CHEK2: variants seen among roughly 807,000 people sequenced by gnomAD.
The protein encoded by CHEK2 is serine/threonine-protein kinase Chk2.
Under a neutral mutation model 69.1 loss-of-function variants are expected in CHEK2, and 71 were observed. That is an observed-to-expected ratio of 1.03 (90% CI 0.85 to 1.25). The LOEUF (loss-of-function observed/expected upper bound fraction) is 1.25, where lower values mean the gene tolerates loss of function less well. CHEK2 is among the 50% of genes most tolerant of loss of function. The probability of loss-of-function intolerance (pLI) is 0.00; values close to 1 mark genes in which losing one functional copy is unlikely to be tolerated. For synonymous variants in CHEK2, 189 were observed against 226.9 expected (o/e 0.83, Z 1.50); for missense variants, 664 against 649.6 (o/e 1.02, Z -0.24).
chr22:28,705,213 G>A (rs2053071160), intron 7 of CHEK2, among the ~76,000 whole-genome samples: 1 of 151,788 alleles, frequency 6.6e-6, no homozygotes, highest in Non-Finnish European at 1.5e-5. Context: ...CGAGTAGTTG[G>A]GATTATGAGT....
intron 1 of CHEK2, among the ~76,000 whole-genome samples, chr22:28,741,073 C>T (rs1425218178): frequency 6.7e-6 from 1 of 149,150 alleles, no homozygotes; most frequent in East Asian, 2.0e-4. Flanking sequence ...TCGCTTGAAC[C>T]CAGGAGGCAG....
At chr22:28,732,044 C>T (rs1228014658) in intron 2 of CHEK2, among the ~76,000 whole-genome samples, 1 of 152,198 alleles carries the variant, frequency 6.6e-6, no homozygotes, top group Non-Finnish European at 1.5e-5. Flanking sequence ...CAAGTTCCAG[C>T]AATTCTCCTG....
At chr22:28,703,480 A>C in intron 8 of CHEK2, 25 bp downstream of exon 8, 1 of 1,210,326 alleles carries the variant, frequency 8.3e-7, no homozygotes, top group Non-Finnish European at 1.2e-6. Context: ...TGGAAACAGA[A>C]ATTTTTAAAA....
chr22:28,709,883 T>C, intron 7 of CHEK2, 123 bp downstream of exon 7: 2 of 582,612 alleles, frequency 3.4e-6, no homozygotes, highest in Non-Finnish European at 6.3e-6. Context: ...CCCAAAGTGC[T>C]AGGGTTACAG....
At chr22:28,722,596 G>A (rs956799886) in intron 4 of CHEK2, among the ~76,000 whole-genome samples, 12 of 144,124 alleles carry the variant, frequency 8.3e-5, no homozygotes, top group Non-Finnish European at 1.5e-4. Context: ...AGTCAAAATA[G>A]AAACAGGGAA....
intron 7 of CHEK2, among the ~76,000 whole-genome samples, chr22:28,705,227 T>C (rs2053071781): frequency 6.6e-6 from 1 of 151,908 alleles, no homozygotes; most frequent in Admixed American, 6.6e-5. Context: ...TATGAGTGCC[T>C]GCCACTGCAC....
intron 2 of CHEK2, among the ~76,000 whole-genome samples, chr22:28,726,562 T>C (rs1569160441): frequency 1.4e-5 from 2 of 145,694 alleles, no homozygotes; most frequent in Admixed American, 7.0e-5. Flanking sequence ...TATCTAAATA[T>C]ATAATAATAT....
chr22:28,722,071 AT>A (rs1226504762), intron 4 of CHEK2, among the ~76,000 whole-genome samples: 1 of 151,960 alleles, frequency 6.6e-6, no homozygotes. Flanking sequence ...TTTAATGTTT[AT>A]TTAATTTTTT....
chr22:28,719,641 G>T (rs1397896253), intron 4 of CHEK2, among the ~76,000 whole-genome samples, 156 bp from the exon 5 acceptor site: 1 of 152,092 alleles, frequency 6.6e-6, no homozygotes, highest in Non-Finnish European at 1.5e-5. Context: ...AATATAATAG[G>T]TATTAGTGGG....
rs2054318901 is a variant in CHEK2 at position 28,734,503 on chromosome 22, A to G, written c.219T>C (p.Ser73=). The part of the protein sequence containing the change: ...LETVSTQELY[S]IPEDQEPEDQ... ...CCTCAGGTTCTTGGTCCTCAGGAAT[A>G]GAATAGAGTTCCTGAGTGGACACTG... The change falls in exon 2 of 15, where the codon TCT becomes TCC. Residue 73 remains serine (S), a synonymous_variant. Transcript: ENST00000404276. 6.2e-7 allele frequency: 1 copy of G among 1,613,942 alleles called. No individual in the cohort carries two copies. Among genetic ancestry groups the G allele is most frequent in the South Asian group, 1.1e-5 (1 of 91,084 alleles).
At chr22:28,723,563 A>C (rs1601818349) in intron 4 of CHEK2, among the ~76,000 whole-genome samples, 1 of 141,046 alleles carries the variant, frequency 7.1e-6, no homozygotes. Context: ...GCGCCACTGC[A>C]CTCCAGCCTG....
intron 5 of CHEK2, among the ~76,000 whole-genome samples, chr22:28,718,290 G>C (rs928525538): frequency 3.3e-5 from 5 of 152,140 alleles, no homozygotes; most frequent in African/African-American, 4.8e-5. Context: ...ATGTTGGAGA[G>C]GATGTGAAGA....
At chr22:28,693,381 G>A (rs1317007221) in intron 13 of CHEK2, among the ~76,000 whole-genome samples, 29 of 152,168 alleles carry the variant, frequency 1.9e-4, no homozygotes. Context: ...TGAACAAGCA[G>A]TGGGACCCTT....
chr22:28,714,499 T>C (rs769292300), intron 5 of CHEK2, among the ~76,000 whole-genome samples: 4 of 152,294 alleles, frequency 2.6e-5, no homozygotes, highest in Admixed American at 1.3e-4. Flanking sequence ...TGTTTTTTTA[T>C]TGTACAGTTC....
rs541973995 is a variant in CHEK2 at position 28,719,364 on chromosome 22, T to A, written c.683+31A>T. ...CAATCACAAATGTATAGTGAAAAAATTAAGTGCATTTATATAAGAAAATAA... is the reference window on the plus strand; with the variant it reads ...CAATCACAAATGTATAGTGAAAAAAATAAGTGCATTTATATAAGAAAATAA... On this transcript the variant is annotated intron_variant, in intron 5 of 14. Coordinates refer to ENST00000404276, the MANE Select transcript of CHEK2 (RefSeq NM_007194.4). The A allele has an allele frequency of 4.8e-6, 6 of 1,250,804 alleles. No individual in the cohort carries two copies. In the East Asian group the frequency reaches 1.2e-4, roughly 26 times the overall value. 77.5% of individuals were successfully genotyped at this position (1,250,804 alleles called of 1,614,324 possible).
In CHEK2 at chr22:28,719,494, G is replaced by C. The variant is rs1057517597; in HGVS notation, c.593-9C>G. 1 of 1,491,956 alleles carries C rather than the reference G, an allele frequency of 6.7e-7. No individual in the cohort carries two copies. Among genetic ancestry groups the C allele is most frequent in the Non-Finnish European group, 9.3e-7 (1 of 1,080,718 alleles). The allele number at this position is 1,491,956 out of a possible 1,614,324, so 92.4% of individuals were successfully genotyped here. A position where few individuals can be genotyped will look rare whatever the true frequency, so the allele number is the denominator to read the frequency against. ...ATCAAAAAAGACAAAAACTAAGGAA[G>C]AAAAGAGTAGAAATGGGTTTCATTA... On this transcript the variant is annotated splice_polypyrimidine_tract_variant and intron_variant, in intron 4 of 14. Transcript: ENST00000404276.
intron 7 of CHEK2, among the ~76,000 whole-genome samples, chr22:28,705,663 T>C (rs1017883289): frequency 2.6e-5 from 4 of 152,108 alleles, no homozygotes; most frequent in Admixed American, 6.5e-5. Context: ...CAGTGGCACA[T>C]GCCTGTAATC....
At chr22:28,701,210 G>T (rs1403276319) in intron 8 of CHEK2, among the ~76,000 whole-genome samples, 1 of 151,988 alleles carries the variant, frequency 6.6e-6, no homozygotes, top group Non-Finnish European at 1.5e-5. Context: ...GGGGTGATCA[G>T]GGGTGTTTTT....
intron 7 of CHEK2, among the ~76,000 whole-genome samples, chr22:28,708,066 C>G (rs994122217): frequency 9.2e-5 from 14 of 152,122 alleles, no homozygotes; most frequent in South Asian, 6.2e-4. Context: ...GTCTTGATCT[C>G]CTGACCTCAT....
Sources: gnomAD v4.1 joint callset for allele counts (sites outside exome capture counted in the v4.1 genomes callset) on GRCh38, gnomAD v4.1.1 for gene constraint, MANE v1.5 for transcripts, NCBI Gene and HGNC (gene_info 2026-07-23, HGNC 2026-07-21) for gene names.